The following KIAA1549L variants were observed in gnomAD, a reference collection of about 807,000 sequenced individuals.
The protein encoded by KIAA1549L is KIAA1549 like, also known as UPF0606 protein KIAA1549L.
KIAA1549L carries 88 observed loss-of-function variants against 160.7 expected under a neutral mutation model. The observed-to-expected ratio is 0.55, with a 90% CI of 0.46 to 0.65. KIAA1549L has a LOEUF of 0.65. KIAA1549L is among the 30% of genes least tolerant of loss of function. The pLI, the probability that KIAA1549L is intolerant of heterozygous loss-of-function variation, is 0.00. For synonymous variants in KIAA1549L, 950 were observed against 976.7 expected (o/e 0.97, Z 0.51); for missense variants, 2,258 against 2,437.5 (o/e 0.93, Z 1.55).
chr11:33,451,887 T>G (rs1438152682), intron 1 of KIAA1549L, among the ~76,000 whole-genome samples: 1 of 152,200 alleles, frequency 6.6e-6, no homozygotes, highest in Non-Finnish European at 1.5e-5. Flanking sequence ...ACCAATTAGC[T>G]GTCATTTATT....
chr11:33,608,488 A>C (rs1435853190), intron 14 of KIAA1549L, among the ~76,000 whole-genome samples: 4 of 152,274 alleles, frequency 2.6e-5, no homozygotes, highest in Admixed American at 2.6e-4. Flanking sequence ...GCAGACATGC[A>C]AACCCCATAA....
At chr11:33,663,107 G>T (rs192871559) in intron 20 of KIAA1549L, among the ~76,000 whole-genome samples, 2 of 152,196 alleles carry the variant, frequency 1.3e-5, no homozygotes, top group African/African-American at 4.8e-5. Flanking sequence ...GAGACCAGTT[G>T]TCAGCTTGAA....
intron 20 of KIAA1549L, 61 bp downstream of exon 20, chr11:33,661,075 A>G (rs1852246178): frequency 6.7e-7 from 1 of 1,483,816 alleles, no homozygotes; most frequent in African/African-American, 1.4e-5. Context: ...CAAAAAGTAA[A>G]TTAGATAAAA....
At chr11:33,503,287 TCATTGTATA>T (rs1204584970) in intron 1 of KIAA1549L, among the ~76,000 whole-genome samples, 7 of 152,258 alleles carry the variant, frequency 4.6e-5, no homozygotes, top group Non-Finnish European at 7.3e-5. Context: ...TTCATCCGAA[TCATTGTATA>T]CTATTCTATT....
intron 1 of KIAA1549L, among the ~76,000 whole-genome samples, chr11:33,398,274 TAA>T (rs543914338): frequency 1.7e-4 from 23 of 137,156 alleles, no homozygotes; most frequent in Admixed American, 3.7e-4. Context: ...TTCAAAAATG[TAA>T]AAAAAAAAAA....
intron 9 of KIAA1549L, among the ~76,000 whole-genome samples, chr11:33,568,851 G>A (rs1855146121): frequency 6.6e-6 from 1 of 152,122 alleles, no homozygotes; most frequent in African/African-American, 2.4e-5. Flanking sequence ...GCTTACTTTT[G>A]AGATGTCAAA....
At chr11:33,380,647 T>A (rs111479064) in intron 1 of KIAA1549L, among the ~76,000 whole-genome samples, 46 of 152,232 alleles carry the variant, frequency 3.0e-4, no homozygotes, top group African/African-American at 1.1e-3. Context: ...CCCCCACTAT[T>A]ATTGTGTGTG....
In KIAA1549L at chr11:33,435,792, A is replaced by ATGTGTG. The variant is rs1433325636; in HGVS notation, c.238+58904_238+58905insGTGTGT. ...TATATATATATATATATATATATAT[A>ATGTGTG]TATATATATATATATATATGTGTGT... On this transcript the variant is annotated intron_variant, in intron 1 of 20. Coordinates refer to ENST00000658780, the MANE Select transcript of KIAA1549L (RefSeq NM_012194.3). Among the ~76,000 whole-genome samples the ATGTGTG allele has an allele frequency of 3.4e-3, 44 of 13,050 alleles. 6 individuals carry two copies. The East Asian group carries it at 0.046, about 14-fold the overall frequency. The allele number at this position is 13,050 out of a possible 152,430, so 8.6% of individuals were successfully genotyped here.
In KIAA1549L at chr11:33,609,852, C is replaced by T. The variant is rs373216368; in HGVS notation, c.5165C>T (p.Thr1722Met). The T allele has an allele frequency of 5.5e-5, 88 of 1,613,788 alleles. No individual in the cohort carries two copies. The highest frequency in any genetic ancestry group is 2.5e-4 in the African/African-American group (19 of 74,988). Reference sequence around the variant, plus strand: ...TATTACGACTTCCCTGCAGTGGAGACGAGCAAGGGTCTGACCGAAAGAAAG... The same window carrying T: ...TATTACGACTTCCCTGCAGTGGAGATGAGCAAGGGTCTGACCGAAAGAAAG... ...KGYYDFPAVE[T>M]SKGLTERKKM... The change falls in exon 15 of 21, where the codon ACG becomes ATG. Residue 1722 changes from threonine to methionine, a missense_variant. Thr to Met is a moderately conservative substitution (Grantham distance 81). Coordinates refer to ENST00000658780, the MANE Select transcript of KIAA1549L (RefSeq NM_012194.3).
chr11:33,537,789 C>A (rs1187824408), intron 1 of KIAA1549L, among the ~76,000 whole-genome samples: 1 of 152,092 alleles, frequency 6.6e-6, no homozygotes, highest in Non-Finnish European at 1.5e-5. Flanking sequence ...TAAACTGATA[C>A]CCCAGGGTCA....
At chr11:33,379,977 A>C (rs974017764) in intron 1 of KIAA1549L, among the ~76,000 whole-genome samples, 1 of 152,236 alleles carries the variant, frequency 6.6e-6, no homozygotes, top group African/African-American at 2.4e-5. Flanking sequence ...CTGTGTGATC[A>C]GAGCTAATGA....
intron 12 of KIAA1549L, among the ~76,000 whole-genome samples, chr11:33,598,478 G>T (rs556321716): frequency 5.4e-4 from 82 of 152,286 alleles, no homozygotes; most frequent in Non-Finnish European, 1.1e-3. Context: ...TATCCAGAGT[G>T]CTGGGTATTA....
chr11:33,551,579 C>CAAA (rs59152356), intron 5 of KIAA1549L, among the ~76,000 whole-genome samples: 54 of 146,560 alleles, frequency 3.7e-4, no homozygotes, highest in African/African-American at 1.2e-3. Flanking sequence ...GTTGAACATG[C>CAAA]AAAAAAAAAA....
chr11:33,542,449 G>A lies in KIAA1549L; in HGVS notation c.886G>A (p.Asp296Asn), dbSNP rs753620702. Residue 296 changes from aspartate to asparagine, a missense_variant, in exon 2 of 21, where the codon GAT becomes AAT. By Grantham distance (23) the Asp-to-Asn change is conservative. Coordinates refer to ENST00000658780, the MANE Select transcript of KIAA1549L (RefSeq NM_012194.3). ...AGCTAATCCCTTAATCCCATTTTCT[G>A]ATGAAATGGACCACACTGCATCCCA... ...NIANPLIPFS[D>N]EMDHTASQNA... The A allele has an allele frequency of 1.2e-6, 2 of 1,605,858 alleles. No individual in the cohort carries two copies. The highest frequency in any genetic ancestry group is 2.7e-5 in the African/African-American group (2 of 74,686).
At chr11:33,536,314 A>G (rs150183113) in intron 1 of KIAA1549L, among the ~76,000 whole-genome samples, 23 of 152,298 alleles carry the variant, frequency 1.5e-4, no homozygotes, top group African/African-American at 5.3e-4. Context: ...CTCAGTTGGG[A>G]CGATTCAGAC....
chr11:33,553,476 G>A (rs899940894), intron 6 of KIAA1549L, among the ~76,000 whole-genome samples: 23 of 152,160 alleles, frequency 1.5e-4, no homozygotes, highest in East Asian at 3.8e-4. Context: ...GACATTTAGC[G>A]TAAGTGAATT....
chr11:33,443,860 G>T (rs1193172473), intron 1 of KIAA1549L, among the ~76,000 whole-genome samples: 2 of 152,120 alleles, frequency 1.3e-5, no homozygotes, highest in Non-Finnish European at 2.9e-5. Context: ...TTTATGATAG[G>T]ACTCATTTCC....
At chr11:33,632,416 G>A (rs1851322247) in intron 16 of KIAA1549L, among the ~76,000 whole-genome samples, 1 of 152,200 alleles carries the variant, frequency 6.6e-6, no homozygotes, top group Non-Finnish European at 1.5e-5. Context: ...TGAATGCGGG[G>A]AGATTACACT....
intron 1 of KIAA1549L, among the ~76,000 whole-genome samples, chr11:33,442,133 A>G (rs1392680220): frequency 2.0e-5 from 3 of 151,816 alleles, no homozygotes; most frequent in African/African-American, 7.2e-5. Context: ...TCAGCTTTCT[A>G]CATATGGCTA....
Sources: gnomAD v4.1 joint callset for allele counts (sites outside exome capture counted in the v4.1 genomes callset) on GRCh38, gnomAD v4.1.1 for gene constraint, MANE v1.5 for transcripts, NCBI Gene and HGNC (gene_info 2026-07-23, HGNC 2026-07-21) for gene names.